TMEM108: variants seen among roughly 807,000 people sequenced by gnomAD.
TMEM108 encodes the protein transmembrane protein 108.
Under a neutral mutation model 35.1 loss-of-function variants are expected in TMEM108, and 12 were observed. The observed-to-expected ratio is 0.34, with a 90% CI of 0.22 to 0.55. The LOEUF (loss-of-function observed/expected upper bound fraction) is 0.55. Ranked by LOEUF, TMEM108 falls within the 20% of genes least tolerant of loss-of-function variation. The pLI is 0.89. For synonymous variants in TMEM108, 287 were observed against 308.6 expected, an observed-to-expected ratio of 0.93 and a Z score of 0.73; for missense variants, 680 against 753.3, an observed-to-expected ratio of 0.90 and a Z score of 1.14.
chr3:133,153,842 G>C (rs927125326), intron 2 of TMEM108, among the ~76,000 whole-genome samples: 5 of 152,246 alleles, frequency 3.3e-5, no homozygotes, highest in Admixed American at 1.3e-4. Flanking sequence ...GTTGTCTGTA[G>C]TGTGTGACGT....
chr3:133,332,078 ACGTG>A (rs1188592871), intron 3 of TMEM108, among the ~76,000 whole-genome samples: 9 of 81,536 alleles, frequency 1.1e-4, no homozygotes, highest in African/African-American at 4.0e-4. Flanking sequence ...GTGCGTGCGC[ACGTG>A]CACACACACA....
At chr3:133,352,891 T>C (rs2072046265) in intron 3 of TMEM108, among the ~76,000 whole-genome samples, 1 of 152,090 alleles carries the variant, frequency 6.6e-6, no homozygotes, top group Non-Finnish European at 1.5e-5. Context: ...TTCTAACCCC[T>C]CTCCTCCTCT....
At chr3:133,236,300 C>A (rs1200589474) in intron 3 of TMEM108, among the ~76,000 whole-genome samples, 2 of 150,496 alleles carry the variant, frequency 1.3e-5, no homozygotes, top group African/African-American at 2.4e-5. Flanking sequence ...AGATAACTGT[C>A]TGTAGGTCCC....
intron 3 of TMEM108, among the ~76,000 whole-genome samples, chr3:133,259,715 C>T (rs1164933834): frequency 1.3e-5 from 2 of 152,176 alleles, no homozygotes; most frequent in Non-Finnish European, 2.9e-5. Context: ...ATACAGGGCC[C>T]AGTGGCCACT....
chr3:133,095,365 C>T, intron 2 of TMEM108, among the ~76,000 whole-genome samples: 1 of 152,148 alleles, frequency 6.6e-6, no homozygotes, highest in East Asian at 1.9e-4. Flanking sequence ...CATAGTACAG[C>T]AAGCCCCAGC....
At chr3:133,347,248 T>C (rs1056496915) in intron 3 of TMEM108, among the ~76,000 whole-genome samples, 5 of 152,154 alleles carry the variant, frequency 3.3e-5, no homozygotes, top group African/African-American at 9.6e-5. Context: ...TTCACAATAT[T>C]GAGTCTTCTC....
At chr3:133,271,780 G>A (rs1283381749) in intron 3 of TMEM108, among the ~76,000 whole-genome samples, 1 of 152,104 alleles carries the variant, frequency 6.6e-6, no homozygotes, top group Admixed American at 6.6e-5. Context: ...GCTTGTTTTA[G>A]TCATCTCATT....
chr3:133,169,092 G>A (rs1173128466), intron 2 of TMEM108, among the ~76,000 whole-genome samples: 3 of 152,222 alleles, frequency 2.0e-5, no homozygotes, highest in East Asian at 1.9e-4. Context: ...CTTGAAGTCA[G>A]TGAGACCAAG....
chr3:133,393,701 G>A (rs577679489), intron 5 of TMEM108, among the ~76,000 whole-genome samples: 2 of 152,260 alleles, frequency 1.3e-5, no homozygotes, highest in Admixed American at 1.3e-4. Flanking sequence ...CTTGACAAAG[G>A]GGCTGGTCCT....
intron 2 of TMEM108, among the ~76,000 whole-genome samples, chr3:133,219,855 T>A (rs1325860942): frequency 6.6e-6 from 1 of 152,120 alleles, no homozygotes; most frequent in Non-Finnish European, 1.5e-5. Context: ...TAAAATGTAG[T>A]TTAAGTCAAT....
chr3:133,387,977 G>A (rs2073178683), intron 4 of TMEM108: 1 of 985,310 alleles, frequency 1.0e-6, no homozygotes, highest in African/African-American at 1.7e-5. Context: ...CTGACTCACA[G>A]ATACACTTTT....
At chr3:133,205,132 C>CTTTTTT (rs56148731) in intron 2 of TMEM108, among the ~76,000 whole-genome samples, 1 of 146,162 alleles carries the variant, frequency 6.8e-6, no homozygotes, top group Non-Finnish European at 1.5e-5. Context: ...ACCCCTGCTG[C>CTTTTTT]TTTTTTTTTT....
intron 2 of TMEM108, among the ~76,000 whole-genome samples, chr3:133,224,638 C>A (rs1480788732): frequency 6.6e-6 from 1 of 152,072 alleles, no homozygotes; most frequent in African/African-American, 2.4e-5. Flanking sequence ...TTCTCTCTTG[C>A]CCGCTGCCAT....
intron 2 of TMEM108, among the ~76,000 whole-genome samples, chr3:133,082,682 C>T (rs919519857): frequency 6.6e-6 from 1 of 152,032 alleles, no homozygotes; most frequent in Non-Finnish European, 1.5e-5. Context: ...GACAGGGTCT[C>T]ACCCTGTCTG....
intron 2 of TMEM108, among the ~76,000 whole-genome samples, chr3:133,121,295 C>A (rs979004191): frequency 4.6e-5 from 7 of 152,232 alleles, no homozygotes; most frequent in African/African-American, 1.4e-4. Flanking sequence ...GAACATGTTT[C>A]ATAGCCAGTC....
intron 4 of TMEM108, among the ~76,000 whole-genome samples, chr3:133,384,018 C>T (rs1043927333): frequency 6.6e-6 from 1 of 152,180 alleles, no homozygotes; most frequent in African/African-American, 2.4e-5. Flanking sequence ...AATATTTGTC[C>T]AGCTTCAGAA....
intron 2 of TMEM108, among the ~76,000 whole-genome samples, chr3:133,047,952 G>A (rs1943360061): frequency 6.6e-6 from 1 of 152,184 alleles, no homozygotes; most frequent in African/African-American, 2.4e-5. Context: ...GGCACTAACT[G>A]AGGAACAGTG....
At chr3:133,338,848 T>C (rs2071579312) in intron 3 of TMEM108, among the ~76,000 whole-genome samples, 1 of 152,022 alleles carries the variant, frequency 6.6e-6, no homozygotes, top group Non-Finnish European at 1.5e-5. Context: ...AATAGTCTTA[T>C]TTTTGCTTGG....
chr3:133,207,996 A>G (rs1945783180), intron 2 of TMEM108, among the ~76,000 whole-genome samples: 1 of 152,112 alleles, frequency 6.6e-6, no homozygotes, highest in African/African-American at 2.4e-5. Flanking sequence ...TGTTCCAGCT[A>G]CCTCTTTCTT....
Sources: allele counts gnomAD v4.1 joint callset (sites outside exome capture counted in the v4.1 genomes callset), GRCh38; gene constraint gnomAD v4.1.1; transcripts MANE v1.5; gene names NCBI Gene and HGNC (gene_info 2026-07-23, HGNC 2026-07-21).